The following MCC variants were observed in gnomAD, a reference collection of about 807,000 sequenced individuals.
MCC encodes the protein MCC regulator of Wnt signaling pathway.
MCC carries 90 observed loss-of-function variants against 116.2 expected under a neutral mutation model. The ratio of observed to expected loss-of-function variants is 0.77; its 90% confidence interval spans 0.65 to 0.92. MCC has a LOEUF of 0.92. Among genes scored for constraint, MCC ranks in the 40% least tolerant of loss-of-function variants. The probability of loss-of-function intolerance (pLI) is 0.00; values close to 1 mark genes in which losing one functional copy is unlikely to be tolerated. For synonymous variants in MCC, 578 were observed against 510.5 expected, an observed-to-expected ratio of 1.13 and a Z score of -1.78; for missense variants, 1,516 against 1,312.2, an observed-to-expected ratio of 1.16 and a Z score of -2.40.
chr5:113,132,772 G>A (rs1232262821), intron 5 of MCC, among the ~76,000 whole-genome samples: 1 of 152,082 alleles, frequency 6.6e-6, no homozygotes, highest in Non-Finnish European at 1.5e-5. Flanking sequence ...AGGTATCCTA[G>A]GGATTCCCAT....
At chr5:113,302,805 T>A (rs1766895567) in intron 3 of MCC, among the ~76,000 whole-genome samples, 1 of 152,192 alleles carries the variant, frequency 6.6e-6, no homozygotes, top group South Asian at 2.1e-4. Flanking sequence ...ATCAACAAGT[T>A]AAATCAAGAT....
At chr5:113,124,726 TACC>T (rs1007213145) in intron 5 of MCC, among the ~76,000 whole-genome samples, 1 of 152,218 alleles carries the variant, frequency 6.6e-6, no homozygotes, top group Non-Finnish European at 1.5e-5. Context: ...AGGAGAACCA[TACC>T]ACATTAAGCA....
intron 2 of MCC, among the ~76,000 whole-genome samples, chr5:113,366,332 T>A (rs906775769): frequency 7.2e-5 from 11 of 152,128 alleles, no homozygotes; most frequent in Admixed American, 2.0e-4. Context: ...GGTTTTTTTT[T>A]ATGTTAATTC....
intron 3 of MCC, among the ~76,000 whole-genome samples, chr5:113,199,888 G>A (rs73778975): frequency 6.6e-6 from 1 of 152,178 alleles, no homozygotes; most frequent in Non-Finnish European, 1.5e-5. Flanking sequence ...ACCCAAGGGG[G>A]ATATTTTTCT....
intron 2 of MCC, among the ~76,000 whole-genome samples, chr5:113,374,576 A>G (rs541713465): frequency 9.2e-5 from 14 of 152,294 alleles, no homozygotes; most frequent in African/African-American, 3.4e-4. Flanking sequence ...CACATGTTTC[A>G]TCTTAAAAAT....
chr5:113,310,386 C>T (rs993489915), intron 3 of MCC, among the ~76,000 whole-genome samples: 7 of 152,170 alleles, frequency 4.6e-5, no homozygotes, highest in Admixed American at 2.0e-4. Context: ...ATCCTTCTAG[C>T]GCCTTGCTTT....
chr5:113,435,084 G>A (rs1326257236), intron 1 of MCC: 2 of 491,934 alleles, frequency 4.1e-6, no homozygotes, highest in African/African-American at 1.9e-5. Flanking sequence ...GAGGCACTTG[G>A]ACTTGGAATC....
At chr5:113,362,825 G>C (rs1283535552) in intron 2 of MCC, among the ~76,000 whole-genome samples, 1 of 152,102 alleles carries the variant, frequency 6.6e-6, no homozygotes, top group Non-Finnish European at 1.5e-5. Flanking sequence ...GAAATTTCCT[G>C]AAACATAATT....
intron 3 of MCC, among the ~76,000 whole-genome samples, chr5:113,316,255 CAA>C (rs61130931): frequency 0.032 from 3,567 of 110,990 alleles, 41 homozygotes; most frequent in African/African-American, 0.038. Flanking sequence ...GACTCTGTCT[CAA>C]AAAAAAAAAA....
intron 6 of MCC, among the ~76,000 whole-genome samples, chr5:113,107,334 C>G (rs756966408): frequency 1.3e-5 from 2 of 151,660 alleles, no homozygotes; most frequent in Non-Finnish European, 2.9e-5. Flanking sequence ...TCTCCTATCT[C>G]AGCCTCCCGA....
intron 3 of MCC, among the ~76,000 whole-genome samples, chr5:113,183,705 C>G (rs1256129077): frequency 6.6e-6 from 1 of 152,156 alleles, no homozygotes; most frequent in Non-Finnish European, 1.5e-5. Context: ...AACAGCCCAT[C>G]TCAAGAGCAC....
chr5:113,478,786 C>A (rs886151106), intron 1 of MCC, among the ~76,000 whole-genome samples: 1 of 152,186 alleles, frequency 6.6e-6, no homozygotes, highest in African/African-American at 2.4e-5. Flanking sequence ...GTTCCTCAGG[C>A]AAAGCAGTCT....
intron 16 of MCC, chr5:113,048,889 A>G: frequency 1.7e-6 from 1 of 598,812 alleles, no homozygotes; most frequent in Non-Finnish European, 3.0e-6. Context: ...CTATTACATA[A>G]AGTGAGATTT....
At chr5:113,452,431 T>C (rs576718387) in intron 1 of MCC, among the ~76,000 whole-genome samples, 74 of 152,124 alleles carry the variant, frequency 4.9e-4, no homozygotes, top group Non-Finnish European at 9.1e-4. Context: ...CTCTCACAAA[T>C]GGGATTAGTG....
intron 3 of MCC, among the ~76,000 whole-genome samples, chr5:113,275,816 T>C (rs921297198): frequency 6.6e-5 from 10 of 152,184 alleles, no homozygotes; most frequent in Non-Finnish European, 1.0e-4. Flanking sequence ...TAAAGGACTT[T>C]AACATCTACA....
chr5:113,230,129 T>C (rs1165843105), intron 3 of MCC, among the ~76,000 whole-genome samples: 8 of 152,344 alleles, frequency 5.3e-5, no homozygotes, highest in Middle Eastern at 6.8e-3. Context: ...TAGAGTTAAA[T>C]TGCCTAATCC....
At chr5:113,431,430 A>T (rs769066332) in intron 1 of MCC, among the ~76,000 whole-genome samples, 86 of 152,114 alleles carry the variant, frequency 5.7e-4, no homozygotes, top group Admixed American at 1.4e-3. Context: ...CACCAGTCAT[A>T]TTTGATTAGC....
chr5:113,089,685 A>G (rs978035289), intron 8 of MCC, among the ~76,000 whole-genome samples: 1 of 152,238 alleles, frequency 6.6e-6, no homozygotes. Context: ...TACTCAAGGA[A>G]CTGAATTTTT....
At chr5:113,213,933 T>A in intron 3 of MCC, among the ~76,000 whole-genome samples, 1 of 152,172 alleles carries the variant, frequency 6.6e-6, no homozygotes, top group East Asian at 1.9e-4. Context: ...ATCATTTATT[T>A]TTTTTCTCCA....
Sources: gnomAD v4.1 joint callset for allele counts (sites outside exome capture counted in the v4.1 genomes callset) on GRCh38, gnomAD v4.1.1 for gene constraint, MANE v1.5 for transcripts, NCBI Gene and HGNC (gene_info 2026-07-23, HGNC 2026-07-21) for gene names.